PPFIBP1: variants seen among roughly 807,000 people sequenced by gnomAD.
PPFIBP1 encodes the protein PPFIB scaffold protein 1.
A neutral mutation model predicts 137.8 loss-of-function variants in PPFIBP1; 112 were observed. The observed-to-expected ratio is 0.81, with a 90% confidence interval of 0.70 to 0.95. The LOEUF is 0.95. Ranked by LOEUF, PPFIBP1 falls within the 40% of genes least tolerant of loss-of-function variation. The pLI, the probability that PPFIBP1 is intolerant of heterozygous loss-of-function variation, is 0.00. For synonymous variants in PPFIBP1, 378 were observed against 417.3 expected, an observed-to-expected ratio of 0.91 and a Z score of 1.15; for missense variants, 1,083 against 1,196.6, an observed-to-expected ratio of 0.91 and a Z score of 1.40.
intron 2 of PPFIBP1, among the ~76,000 whole-genome samples, chr12:27,595,593 G>A (rs1191035508): frequency 6.6e-6 from 1 of 152,070 alleles, no homozygotes; most frequent in Non-Finnish European, 1.5e-5. Flanking sequence ...AGTGGCTCAC[G>A]CTTATAATCC....
intron 2 of PPFIBP1, among the ~76,000 whole-genome samples, chr12:27,619,079 T>C (rs750049725): frequency 1.8e-4 from 28 of 152,146 alleles, no homozygotes; most frequent in Non-Finnish European, 3.8e-4. Context: ...GATGCGGTAA[T>C]CTTCCTTGAG....
chr12:27,618,253 C>T (rs2055975759), intron 2 of PPFIBP1, among the ~76,000 whole-genome samples: 1 of 152,190 alleles, frequency 6.6e-6, no homozygotes, highest in South Asian at 2.1e-4. Flanking sequence ...ATTCCAACCA[C>T]CTGAATGGAC....
rs545048436 is a variant in PPFIBP1 at position 27,677,365 on chromosome 12, T to C, written c.1615+269T>C. 163 of 532,412 alleles carry C rather than the reference T, an allele frequency of 3.1e-4. 3 individuals carry two copies. Among genetic ancestry groups the C allele is most frequent in the African/African-American group, 2.3e-3 (122 of 53,078 alleles). 33.0% of individuals were successfully genotyped at this position (532,412 alleles called of 1,614,324 possible). ...TAGACGTGTGCAGCATCCCTCAGAG[T>C]GCAGGGCAGGAATGTCCTGGCATTG... On this transcript the variant is annotated intron_variant, in intron 19 of 29. Coordinates refer to ENST00000228425, the MANE Select transcript of PPFIBP1 (RefSeq NM_003622.4).
At position 27,647,715 on chromosome 12, in the gene PPFIBP1, T is replaced by C. The variant is rs780800711; in HGVS notation, c.358-14T>C. ...TTCTTTTTCACTCATTGCATTATTTTGCTCTAAATACAGGTAAGTGTGTTA... is the reference window on the plus strand; with the variant it reads ...TTCTTTTTCACTCATTGCATTATTTCGCTCTAAATACAGGTAAGTGTGTTA... On this transcript the variant is annotated splice_polypyrimidine_tract_variant and intron_variant, in intron 5 of 29. Coordinates refer to ENST00000228425, the MANE Select transcript of PPFIBP1 (RefSeq NM_003622.4). The C allele has an allele frequency of 6.5e-7, 1 of 1,543,178 alleles. No individual in the cohort carries two copies. Among genetic ancestry groups the C allele is most frequent in the Admixed American group, 2.0e-5 (1 of 50,204 alleles).
At chr12:27,655,030 C>A (rs1478200034) in intron 8 of PPFIBP1, 4 of 1,035,934 alleles carry the variant, frequency 3.9e-6, no homozygotes, top group Non-Finnish European at 5.6e-6. Flanking sequence ...ACATAACCTG[C>A]CCTTTCTCTG....
chr12:27,619,372 T>C (rs929163387), intron 2 of PPFIBP1, among the ~76,000 whole-genome samples: 14 of 152,234 alleles, frequency 9.2e-5, no homozygotes, highest in African/African-American at 3.1e-4. Flanking sequence ...TGTAAATGTT[T>C]AGTCACAGAC....
intron 6 of PPFIBP1, among the ~76,000 whole-genome samples, chr12:27,649,482 C>T (rs549270881): frequency 6.6e-6 from 1 of 152,272 alleles, no homozygotes; most frequent in Non-Finnish European, 1.5e-5. Context: ...ATATGTCTCC[C>T]TCAGTAAACT....
chr12:27,610,074 G>A (rs1296991066), intron 2 of PPFIBP1, among the ~76,000 whole-genome samples: 6 of 152,236 alleles, frequency 3.9e-5, no homozygotes, highest in Middle Eastern at 3.4e-3. Context: ...TGTGCACCCA[G>A]GGTGAGGTAC....
At chr12:27,538,779 C>T (rs562899836) in intron 1 of PPFIBP1, among the ~76,000 whole-genome samples, 15 of 152,220 alleles carry the variant, frequency 9.9e-5, no homozygotes, top group South Asian at 8.3e-4. Flanking sequence ...TACCTGGGCA[C>T]GAAAGTAGTA....
chr12:27,677,756 T>C (rs1197738476), intron 19 of PPFIBP1: 1 of 152,286 alleles, frequency 6.6e-6, no homozygotes, highest in African/African-American at 2.4e-5. Flanking sequence ...AAGAGAAATA[T>C]GGTAGTTTTA....
chr12:27,680,102 G>A (rs2060791950), intron 21 of PPFIBP1, 41 bp downstream of exon 21: 1 of 1,609,000 alleles, frequency 6.2e-7, no homozygotes, highest in Non-Finnish European at 8.5e-7. Flanking sequence ...TCTCTACCAA[G>A]CATCATAGCC....
chr12:27,673,621 G>A (rs866773149), intron 15 of PPFIBP1, 146 bp from the exon 16 acceptor site: 60 of 637,800 alleles, frequency 9.4e-5, no homozygotes, highest in Middle Eastern at 4.0e-4. Flanking sequence ...ATTTAGTGAA[G>A]CACATAAGTG....
intron 1 of PPFIBP1, among the ~76,000 whole-genome samples, chr12:27,543,376 A>G (rs757224626): frequency 3.3e-5 from 5 of 152,118 alleles, no homozygotes; most frequent in Admixed American, 1.3e-4. Context: ...CCCTGCTACC[A>G]TGGTTGCATT....
At chr12:27,592,420 G>T in intron 2 of PPFIBP1, 1 of 713,552 alleles carries the variant, frequency 1.4e-6, no homozygotes, top group South Asian at 2.1e-5. Flanking sequence ...CCTATCTTAT[G>T]GATTATTTTC....
chr12:27,671,324 T>G, intron 13 of PPFIBP1, 107 bp from the exon 14 acceptor site: 22 of 612,390 alleles, frequency 3.6e-5, no homozygotes, highest in East Asian at 6.0e-5. Flanking sequence ...ACACTGATTA[T>G]GAGATTTTGT....
intron 2 of PPFIBP1, among the ~76,000 whole-genome samples, chr12:27,630,286 A>G (rs114608090): frequency 0.01 from 1,574 of 151,642 alleles, no homozygotes; most frequent in African/African-American, 0.036. Flanking sequence ...CCTTAACACC[A>G]TCAGTTTTTG....
chr12:27,626,051 C>T (rs983569392), intron 2 of PPFIBP1, among the ~76,000 whole-genome samples: 5 of 152,076 alleles, frequency 3.3e-5, no homozygotes, highest in Admixed American at 1.3e-4. Flanking sequence ...TTTCTGGTTT[C>T]GCCACCTCCC....
At chr12:27,538,992 A>G (rs1393711872) in intron 1 of PPFIBP1, among the ~76,000 whole-genome samples, 3 of 152,148 alleles carry the variant, frequency 2.0e-5, no homozygotes, top group African/African-American at 7.2e-5. Flanking sequence ...CGTTCCAGGG[A>G]TGTGGCTAAC....
rs3084460 is a variant in PPFIBP1, at chr12:27,670,785, A to T, written c.1147-646A>T. Among the ~76,000 whole-genome samples, 524 of 139,290 alleles carry T rather than the reference A, an allele frequency of 3.8e-3. 7 individuals are homozygous for T. In the Middle Eastern group the frequency reaches 0.042, roughly 11 times the overall value. 91.4% of individuals were successfully genotyped at this position (139,290 alleles called of 152,430 possible). On this transcript the variant is annotated intron_variant, in intron 13 of 29. Transcript: ENST00000228425. ...CAAAGTGAGACCCTGTCTCAAAAAA[A>T]AAAAAAAAAAATAATAATAATAATA...
Sources: gnomAD v4.1 joint callset for allele counts (sites outside exome capture counted in the v4.1 genomes callset) on GRCh38, gnomAD v4.1.1 for gene constraint, MANE v1.5 for transcripts, NCBI Gene and HGNC (gene_info 2026-07-23, HGNC 2026-07-21) for gene names.